Variants in CNTLN observed in about 807,000 individuals in gnomAD.
CNTLN encodes the protein centlein, centrosomal protein.
Under a neutral mutation model 180.0 loss-of-function variants are expected in CNTLN, and 212 were observed. That is an observed-to-expected ratio of 1.18 (90% CI 1.05 to 1.32). The LOEUF (loss-of-function observed/expected upper bound fraction) is 1.32. Ranked by LOEUF, CNTLN falls within the 40% of genes most tolerant of loss-of-function variation. The pLI is 0.00. For synonymous variants in CNTLN, 722 were observed against 563.1 expected (o/e 1.28, Z -3.99); for missense variants, 2,095 against 1,610.9 (o/e 1.30, Z -5.14).
chr9:17,359,708 C>T (rs1482372056), intron 12 of CNTLN, among the ~76,000 whole-genome samples: 3 of 50,970 alleles, frequency 5.9e-5, no homozygotes, highest in Non-Finnish European at 1.3e-4. Flanking sequence ...GGTGAAACTC[C>T]GTCTATACTA....
intron 6 of CNTLN, among the ~76,000 whole-genome samples, chr9:17,288,452 T>A (rs966022042): frequency 7.0e-6 from 1 of 142,132 alleles, no homozygotes; most frequent in Admixed American, 7.0e-5. Context: ...TTGGAATAGG[T>A]GTGGTGTGGT....
chr9:17,522,602 C>G, the CNTLN span, among the ~76,000 whole-genome samples: 6 of 152,060 alleles, frequency 3.9e-5, no homozygotes, highest in Non-Finnish European at 8.8e-5. Context: ...TTGCCAATCC[C>G]TAATGCTTGA....
chr9:17,390,525 T>C (rs978346666), intron 14 of CNTLN, among the ~76,000 whole-genome samples: 1 of 152,238 alleles, frequency 6.6e-6, no homozygotes, highest in Admixed American at 6.5e-5. Context: ...ATTACAGGCA[T>C]GAGCCACTGC....
the CNTLN span, among the ~76,000 whole-genome samples, chr9:17,524,615 C>T: frequency 6.6e-6 from 1 of 152,320 alleles, no homozygotes; most frequent in Admixed American, 6.5e-5. Flanking sequence ...TTAACAATTA[C>T]AATATTCCAT....
chr9:17,295,360 A>G (rs917327519), intron 6 of CNTLN, among the ~76,000 whole-genome samples: 1 of 152,176 alleles, frequency 6.6e-6, no homozygotes, highest in Non-Finnish European at 1.5e-5. Context: ...GCGAGCCACG[A>G]CTGCGAGGGC....
At chr9:17,510,896 A>G in the CNTLN span, among the ~76,000 whole-genome samples, 1 of 152,228 alleles carries the variant, frequency 6.6e-6, no homozygotes, top group Non-Finnish European at 1.5e-5. Flanking sequence ...TTACCCACAA[A>G]TATGATTGCT....
At chr9:17,270,947 C>CTTTTTTTTTTTTTTTTT (rs78896738) in intron 5 of CNTLN, among the ~76,000 whole-genome samples, 1 of 122,156 alleles carries the variant, frequency 8.2e-6, no homozygotes. Flanking sequence ...GAGAGGAGTT[C>CTTTTTTTTTTTTTTTTT]TTTTTTTTTT....
At chr9:17,300,254 A>C (rs1344012587) in intron 7 of CNTLN, 4 of 152,126 alleles carry the variant, frequency 2.6e-5, no homozygotes, top group African/African-American at 9.7e-5. Context: ...GTGCTCAAAA[A>C]TGTTTTGGAT....
At chr9:17,222,937 C>T (rs929868630) in intron 2 of CNTLN, among the ~76,000 whole-genome samples, 10 of 151,912 alleles carry the variant, frequency 6.6e-5, no homozygotes, top group African/African-American at 2.4e-4. Flanking sequence ...AAAATCACTC[C>T]CTAGGTGAAC....
intron 6 of CNTLN, among the ~76,000 whole-genome samples, chr9:17,276,257 T>A (rs947782763): frequency 1.3e-5 from 2 of 152,122 alleles, no homozygotes; most frequent in African/African-American, 2.4e-5. Context: ...ATGTCTACAG[T>A]GTGTCTCCTA....
intron 2 of CNTLN, among the ~76,000 whole-genome samples, chr9:17,196,150 A>G (rs952298871): frequency 6.6e-6 from 1 of 151,970 alleles, no homozygotes; most frequent in African/African-American, 2.4e-5. Context: ...CAGCCTCCTA[A>G]TTAGCTGGGA....
intron 2 of CNTLN, among the ~76,000 whole-genome samples, chr9:17,217,319 C>T (rs1336906157): frequency 1.3e-5 from 2 of 152,132 alleles, no homozygotes. Context: ...TAAAAATTCC[C>T]AGAACATTGA....
downstream of CNTLN, among the ~76,000 whole-genome samples, chr9:17,504,762 G>A (rs1474480291): frequency 6.6e-6 from 1 of 152,134 alleles, no homozygotes; most frequent in African/African-American, 2.4e-5. Context: ...AAAGGATGTG[G>A]ATGGCCCTTG....
At chr9:17,295,991 AGAGAGAGTGTGTGTGT>A (rs1189328094) in intron 6 of CNTLN, among the ~76,000 whole-genome samples, 35 of 76,674 alleles carry the variant, frequency 4.6e-4, no homozygotes, top group African/African-American at 2.8e-3. Context: ...AGAGAGAGAG[AGAGAGAGTGTGTGTGT>A]GTGTGTGTGT....
Position 17,466,038 on chromosome 9 carries a change from CAA to C in CNTLN, c.3591_3592del (p.Arg1198ThrfsTer2). ...NKKVSIDSLK[Q>X]RLNVAVKEKS... is the part of the protein sequence containing the mutation. Reference sequence around the variant, plus strand: ...GAAGGTATCAATTGATTCACTAAAGCAAAGACTTAACGTTGCTGTAAAAGAAA... The same window carrying C: ...GAAGGTATCAATTGATTCACTAAAGCAGACTTAACGTTGCTGTAAAAGAAA... On this transcript the variant is annotated frameshift_variant, in exon 22 of 26. Transcript: ENST00000380647. LOFTEE classifies it high-confidence loss of function. The C allele has an allele frequency of 6.2e-7, 1 of 1,604,726 alleles. No homozygotes were observed. The highest frequency in any genetic ancestry group is 8.5e-7 in the Non-Finnish European group (1 of 1,173,518).
chr9:17,218,417 T>A (rs1312728825), intron 2 of CNTLN, among the ~76,000 whole-genome samples: 1 of 152,098 alleles, frequency 6.6e-6, no homozygotes, highest in East Asian at 1.9e-4. Context: ...TTTTTCAAGT[T>A]TTATTATTGT....
chr9:17,265,048 A>G lies in CNTLN; in HGVS notation c.850-8685A>G, dbSNP rs532939421. On this transcript the variant is annotated intron_variant, in intron 5 of 25. Coordinates refer to ENST00000380647, the MANE Select transcript of CNTLN (RefSeq NM_017738.4). Reference sequence around the variant, plus strand: ...ACCCTTTATTTCCTTCTCCTGCCTAATTGCCCTGGCCAGAACTTCCAACAC... The same window carrying G: ...ACCCTTTATTTCCTTCTCCTGCCTAGTTGCCCTGGCCAGAACTTCCAACAC... Among the ~76,000 whole-genome samples, 710 of 145,042 alleles carry G rather than the reference A, an allele frequency of 4.9e-3. 4 individuals carry two copies. Among genetic ancestry groups the G allele is most frequent in the Non-Finnish European group, 6.9e-3 (462 of 66,670 alleles).
Position 17,464,571 on chromosome 9 carries a change from A to C in CNTLN, c.3479A>C (p.Asn1160Thr), listed in dbSNP as rs1164266126. The change falls in exon 21 of 26, where the codon AAT becomes ACT. Residue 1160 changes from asparagine (N) to threonine (T), a missense_variant. Asn to Thr is a moderately conservative substitution (Grantham distance 65, BLOSUM62 0). Coordinates refer to ENST00000380647, the MANE Select transcript of CNTLN (RefSeq NM_017738.4). The stretch of plus-strand genomic sequence containing the variant: ...GACTTGAAATTTCGACAGAAAGTAA[A>C]TTTGGAAAGTAACAAGAGTTTTAGT... ...IEDLKFRQKV[N>T]LESNKSFSEM... The C allele has an allele frequency of 2.0e-6, 3 of 1,518,868 alleles. No homozygotes were observed. The highest frequency in any genetic ancestry group is 2.6e-6 in the Non-Finnish European group (3 of 1,135,506). The allele number at this position is 1,518,868 out of a possible 1,614,324, so 94.1% of individuals were successfully genotyped here. A position where few individuals can be genotyped will look rare whatever the true frequency, so the allele number is the denominator to read the frequency against.
chr9:17,279,745 C>T (rs1270260978), intron 6 of CNTLN, among the ~76,000 whole-genome samples: 1 of 151,942 alleles, frequency 6.6e-6, no homozygotes, highest in Non-Finnish European at 1.5e-5. Context: ...GCCTACTCAA[C>T]TCCTGAGACA....
Sources: gnomAD v4.1 joint callset for allele counts (sites outside exome capture counted in the v4.1 genomes callset) on GRCh38, gnomAD v4.1.1 for gene constraint, MANE v1.5 for transcripts, NCBI Gene and HGNC (gene_info 2026-07-23, HGNC 2026-07-21) for gene names.